The following KCNMA1 variants were observed in gnomAD, a reference collection of about 807,000 sequenced individuals.
The protein encoded by KCNMA1 is potassium calcium-activated channel subfamily M alpha 1, also known as Calcium-activated potassium channel subunit alpha-1.
A neutral mutation model predicts 140.0 loss-of-function variants in KCNMA1; 29 were observed. That is an observed-to-expected ratio of 0.21 (90% CI 0.15 to 0.28). The LOEUF (loss-of-function observed/expected upper bound fraction) is 0.28, where lower values mean the gene tolerates loss of function less well. Among genes scored for constraint, KCNMA1 ranks in the 10% least tolerant of loss-of-function variants. The pLI is 1.00. For missense variants in KCNMA1, 880 were observed against 1,602.2 expected (o/e 0.55, Z 7.70); for synonymous variants, 612 against 611.9 (o/e 1.00, Z 0.00).
Position 76,891,258 on chromosome 10 carries a change from C to G in KCNMA1, c.3342+267G>C, listed in dbSNP as rs1234661241. On this transcript the variant is annotated intron_variant, in intron 26 of 27. Coordinates refer to ENST00000286628, the MANE Select transcript of KCNMA1 (RefSeq NM_001161352.2). ...GTGCAAATTCCCAATAGGTCTAGTG[C>G]TCATTCTCTCTGGGCCTCAGTTGAC... 1.2e-5 allele frequency: 6 copies of G among 486,358 alleles called. No individual in the cohort carries two copies. The Admixed American group carries it at 2.0e-4, about 16-fold the overall frequency. The allele number at this position is 486,358 out of a possible 1,614,324, so 30.1% of individuals were successfully genotyped here.
intron 3 of KCNMA1, among the ~76,000 whole-genome samples, chr10:77,228,798 G>C (rs937819432): frequency 2.0e-5 from 3 of 152,078 alleles, no homozygotes; most frequent in African/African-American, 4.8e-5. Flanking sequence ...ATTCCAGCTT[G>C]AGCCACCTGT....
chr10:76,984,161 T>G (rs2080459891), intron 19 of KCNMA1, among the ~76,000 whole-genome samples: 1 of 152,008 alleles, frequency 6.6e-6, no homozygotes, highest in South Asian at 2.1e-4. Context: ...TTTGGATGAC[T>G]TGGATTCTAA....
intron 2 of KCNMA1, among the ~76,000 whole-genome samples, chr10:77,389,532 A>C (rs1317345044): frequency 6.6e-6 from 1 of 152,112 alleles, no homozygotes; most frequent in Non-Finnish European, 1.5e-5. Flanking sequence ...GAGGATACTC[A>C]ATTGGAAAGG....
intron 3 of KCNMA1, among the ~76,000 whole-genome samples, chr10:77,234,739 G>A (rs143390743): frequency 2.4e-4 from 37 of 152,286 alleles, no homozygotes; most frequent in Non-Finnish European, 3.7e-4. Flanking sequence ...CATACTTACA[G>A]TTAAGGGAAC....
intron 2 of KCNMA1, among the ~76,000 whole-genome samples, chr10:77,382,883 AAAATAT>A (rs1188321589): frequency 3.5e-5 from 4 of 114,604 alleles, no homozygotes; most frequent in African/African-American, 6.3e-5. Context: ...AAAAAAAAAA[AAAATAT>A]ATATATATAT....
At position 77,204,207 on chromosome 10, in the gene KCNMA1, T is replaced by C. The variant is rs75187550; in HGVS notation, c.603-19291A>G. 1.1e-3 allele frequency among the ~76,000 whole-genome samples: 165 copies of C among 152,166 alleles called. 5 individuals are homozygous for C. In the East Asian group the frequency reaches 0.029, roughly 27 times the overall value. On this transcript the variant is annotated intron_variant, in intron 3 of 27. Coordinates refer to ENST00000286628, the MANE Select transcript of KCNMA1 (RefSeq NM_001161352.2). ...GGATGAGGTGCATTCAAAGGACTGA[T>C]TTGTGTGCTCTTCCCGTGTTTCAGG...
intron 3 of KCNMA1, among the ~76,000 whole-genome samples, chr10:77,187,689 A>G (rs1043782579): frequency 6.6e-6 from 1 of 152,204 alleles, no homozygotes; most frequent in African/African-American, 2.4e-5. Flanking sequence ...CTGGGACAAA[A>G]GACCCATATA....
chr10:77,466,411 G>A (rs1010945570), intron 1 of KCNMA1, among the ~76,000 whole-genome samples: 5 of 152,142 alleles, frequency 3.3e-5, no homozygotes, highest in Admixed American at 1.3e-4. Context: ...GAGCCCAAAC[G>A]ATGCTCACTC....
intron 2 of KCNMA1, among the ~76,000 whole-genome samples, chr10:77,366,193 C>T (rs968640105): frequency 1.9e-4 from 28 of 150,306 alleles, no homozygotes; most frequent in East Asian, 5.9e-4. Context: ...TTTGAGATCA[C>T]GTTTCTGTCT....
chr10:77,403,087 C>A (rs2096332168), intron 2 of KCNMA1, among the ~76,000 whole-genome samples: 1 of 152,126 alleles, frequency 6.6e-6, no homozygotes, highest in Non-Finnish European at 1.5e-5. Flanking sequence ...CAGTCTCAGG[C>A]AAACTGGGAT....
chr10:76,993,702 A>T (rs1225023913), intron 19 of KCNMA1, among the ~76,000 whole-genome samples: 1 of 152,160 alleles, frequency 6.6e-6, no homozygotes, highest in Non-Finnish European at 1.5e-5. Flanking sequence ...TCCCAAAACA[A>T]AGCCTCTGTT....
intron 18 of KCNMA1, among the ~76,000 whole-genome samples, chr10:77,007,636 G>T (rs2089313785): frequency 2.3e-5 from 1 of 43,484 alleles, no homozygotes; most frequent in Non-Finnish European, 5.3e-5. Context: ...ATACATCATG[G>T]TACATATTGT....
intron 2 of KCNMA1, among the ~76,000 whole-genome samples, chr10:77,371,076 G>C (rs2094670742): frequency 6.6e-6 from 1 of 152,140 alleles, no homozygotes; most frequent in Non-Finnish European, 1.5e-5. Flanking sequence ...AGAAATACAG[G>C]CTAGCACCGC....
Position 77,503,993 on chromosome 10 carries a change from G to T in KCNMA1, c.379-99970C>A, listed in dbSNP as rs371949753. 2.9e-4 allele frequency among the ~76,000 whole-genome samples: 44 copies of T among 152,164 alleles called. No homozygotes were observed. In the East Asian group the frequency reaches 3.9e-3, roughly 13 times the overall value. On this transcript the variant is annotated intron_variant, in intron 1 of 27. Coordinates refer to ENST00000286628, the MANE Select transcript of KCNMA1 (RefSeq NM_001161352.2). ...TCAGCTTGGCAAACAGTGAAGAGGG[G>T]GTCCAATGGGGGGCAGGGCGCAGGT... is the stretch of plus-strand genomic sequence containing the variant.
chr10:77,527,995 A>G (rs919633635), intron 1 of KCNMA1, among the ~76,000 whole-genome samples: 5 of 152,106 alleles, frequency 3.3e-5, no homozygotes, highest in Admixed American at 6.5e-5. Flanking sequence ...TCTGGGTTCA[A>G]TTCCCAGACC....
chr10:76,928,227 A>G (rs981400393), intron 23 of KCNMA1, among the ~76,000 whole-genome samples: 1 of 151,988 alleles, frequency 6.6e-6, no homozygotes, highest in Non-Finnish European at 1.5e-5. Flanking sequence ...GACTTAAATA[A>G]GCACCAGAAT....
At chr10:77,040,981 A>G (rs1299034362) in intron 14 of KCNMA1, among the ~76,000 whole-genome samples, 1 of 152,046 alleles carries the variant, frequency 6.6e-6, no homozygotes, top group East Asian at 1.9e-4. Context: ...CAATGTAGTG[A>G]ATCTTCTTTT....
At chr10:77,630,870 C>A (rs1377540499) in intron 1 of KCNMA1, among the ~76,000 whole-genome samples, 1 of 151,848 alleles carries the variant, frequency 6.6e-6, no homozygotes, top group East Asian at 1.9e-4. Flanking sequence ...CTTTGGGAGA[C>A]CAAGATGGGA....
chr10:77,466,625 T>A (rs531928611), intron 1 of KCNMA1, among the ~76,000 whole-genome samples: 1 of 152,188 alleles, frequency 6.6e-6, no homozygotes, highest in Non-Finnish European at 1.5e-5. Context: ...CATTATATAA[T>A]CAACCATTGA....
Sources: gnomAD v4.1 joint callset for allele counts (sites outside exome capture counted in the v4.1 genomes callset) on GRCh38, gnomAD v4.1.1 for gene constraint, MANE v1.5 for transcripts, NCBI Gene and HGNC (gene_info 2026-07-23, HGNC 2026-07-21) for gene names.